Variants in ITFG1 observed in about 807,000 individuals in gnomAD.
The protein encoded by ITFG1 is T-cell immunomodulatory protein.
ITFG1 carries 34 observed loss-of-function variants against 81.8 expected under a neutral mutation model. That is an observed-to-expected ratio of 0.42 (90% CI 0.32 to 0.55). ITFG1 has a LOEUF of 0.55. Among genes scored for constraint, ITFG1 ranks in the 20% least tolerant of loss-of-function variants. The pLI, the probability that ITFG1 is intolerant of heterozygous loss-of-function variation, is 0.17. For missense variants in ITFG1, 672 were observed against 755.4 expected (o/e 0.89, Z 1.29); for synonymous variants, 285 against 270.6 (o/e 1.05, Z -0.52).
intron 6 of ITFG1, among the ~76,000 whole-genome samples, chr16:47,423,321 T>C (rs1055676629): frequency 2.0e-5 from 3 of 151,680 alleles, no homozygotes; most frequent in Admixed American, 2.0e-4. Flanking sequence ...TTTGAGCCTA[T>C]GTGCATCTTT....
chr16:47,419,846 G>T (rs529861520), intron 6 of ITFG1, among the ~76,000 whole-genome samples: 11 of 151,698 alleles, frequency 7.3e-5, no homozygotes, highest in Admixed American at 5.3e-4. Context: ...CAAGTGATCC[G>T]CCCACCCCGG....
chr16:47,405,476 CTTCT>C (rs1968717020), intron 6 of ITFG1, among the ~76,000 whole-genome samples: 1 of 152,096 alleles, frequency 6.6e-6, no homozygotes, highest in Non-Finnish European at 1.5e-5. Context: ...AACTTCTTTC[CTTCT>C]TTGTTTAAGA....
At chr16:47,413,926 T>A (rs1394347320) in intron 6 of ITFG1, among the ~76,000 whole-genome samples, 2 of 152,012 alleles carry the variant, frequency 1.3e-5, no homozygotes, top group African/African-American at 2.4e-5. Context: ...GTTCAAGTGA[T>A]TCTCCTGCCT....
At chr16:47,212,193 A>G (rs895111568) in intron 14 of ITFG1, among the ~76,000 whole-genome samples, 1 of 151,598 alleles carries the variant, frequency 6.6e-6, no homozygotes, top group Non-Finnish European at 1.5e-5. Context: ...TCTAAAGGAG[A>G]TTGTACAGAA....
intron 17 of ITFG1, 100 bp downstream of exon 17, chr16:47,158,773 T>G: frequency 1.8e-6 from 1 of 544,880 alleles, no homozygotes; most frequent in Non-Finnish European, 3.2e-6. Flanking sequence ...ATTCTAGTCA[T>G]ATGAAAAAAG....
intron 8 of ITFG1, among the ~76,000 whole-genome samples, chr16:47,341,660 A>G (rs554861058): frequency 2.0e-5 from 3 of 152,138 alleles, no homozygotes; most frequent in Non-Finnish European, 2.9e-5. Context: ...ACCATTAGAA[A>G]AGATTTAAAA....
At chr16:47,161,525 G>T in intron 16 of ITFG1, 1 of 363,854 alleles carries the variant, frequency 2.7e-6, no homozygotes. Flanking sequence ...TCCCTAATTA[G>T]TTAACCTCCT....
Position 47,154,908 on chromosome 16 carries a change from T to A in ITFG1, c.*811A>T, listed in dbSNP as rs1964679929. On this transcript the variant is annotated 3_prime_UTR_variant, in exon 18 of 18. Coordinates refer to ENST00000320640, the MANE Select transcript of ITFG1 (RefSeq NM_030790.5). ...AAAATTTAGCTTTTCCAAAGAATAT[T>A]TCTTCATGCCTGAAAATAAAATTCT... is the stretch of plus-strand genomic sequence containing the variant. 1 of 152,242 alleles carries A rather than the reference T, an allele frequency of 6.6e-6. No individual in the cohort carries two copies. The highest frequency in any genetic ancestry group is 6.5e-5 in the Admixed American group (1 of 15,288). 9.4% of individuals were successfully genotyped at this position (152,242 alleles called of 1,614,324 possible). A position where few individuals can be genotyped will look rare whatever the true frequency, so the allele number is the denominator to read the frequency against.
intron 17 of ITFG1, among the ~76,000 whole-genome samples, chr16:47,158,533 C>T (rs980458245): frequency 6.6e-6 from 1 of 152,210 alleles, no homozygotes; most frequent in Non-Finnish European, 1.5e-5. Context: ...ATACTGAACA[C>T]ACGTTCATTT....
chr16:47,459,243 G>C, intron 1 of ITFG1, 68 bp from the exon 2 acceptor site: 1 of 1,052,184 alleles, frequency 9.5e-7, no homozygotes, highest in Non-Finnish European at 1.5e-6. Context: ...GTGGTTACAA[G>C]AAGGTTTCTG....
intron 14 of ITFG1, among the ~76,000 whole-genome samples, chr16:47,201,611 A>G (rs1965425819): frequency 6.6e-6 from 1 of 152,194 alleles, no homozygotes; most frequent in Non-Finnish European, 1.5e-5. Context: ...TTAAGACAAC[A>G]TTATTAAGGA....
chr16:47,354,278 G>A (rs1339641732), intron 8 of ITFG1, among the ~76,000 whole-genome samples: 2 of 151,912 alleles, frequency 1.3e-5, no homozygotes, highest in Admixed American at 6.6e-5. Context: ...CTTTGACAAA[G>A]GTACCAAGAA....
At chr16:47,160,347 T>C (rs1253967253) in intron 16 of ITFG1, among the ~76,000 whole-genome samples, 1 of 152,178 alleles carries the variant, frequency 6.6e-6, no homozygotes, top group African/African-American at 2.4e-5. Flanking sequence ...CTGCTTATTA[T>C]ACATACTCTT....
intron 14 of ITFG1, among the ~76,000 whole-genome samples, chr16:47,172,442 C>T (rs1471357471): frequency 3.9e-5 from 6 of 152,160 alleles, no homozygotes; most frequent in Non-Finnish European, 5.9e-5. Flanking sequence ...GAGCCATGAT[C>T]GTGCCACTGC....
At chr16:47,379,957 A>G (rs1596944550) in intron 6 of ITFG1, among the ~76,000 whole-genome samples, 1 of 151,424 alleles carries the variant, frequency 6.6e-6, no homozygotes, top group Non-Finnish European at 1.5e-5. Flanking sequence ...GCTAAGCTCA[A>G]TTGAGGCAGT....
intron 5 of ITFG1, among the ~76,000 whole-genome samples, chr16:47,437,308 A>G (rs1969179131): frequency 6.6e-6 from 1 of 152,022 alleles, no homozygotes; most frequent in Non-Finnish European, 1.5e-5. Flanking sequence ...TCCAACAACA[A>G]TTTTAAAAAG....
At chr16:47,338,016 A>C (rs1451040510) in intron 8 of ITFG1, among the ~76,000 whole-genome samples, 1 of 152,270 alleles carries the variant, frequency 6.6e-6, no homozygotes, top group Non-Finnish European at 1.5e-5. Flanking sequence ...ATCTCTGTCA[A>C]AACATTAGAT....
intron 8 of ITFG1, among the ~76,000 whole-genome samples, chr16:47,325,453 A>G (rs920181844): frequency 1.3e-5 from 2 of 152,224 alleles, no homozygotes; most frequent in Admixed American, 6.5e-5. Flanking sequence ...AGCTAGCAGA[A>G]GGCAAGAAAT....
intron 13 of ITFG1, among the ~76,000 whole-genome samples, chr16:47,223,598 C>T (rs1452705252): frequency 6.6e-6 from 1 of 152,082 alleles, no homozygotes; most frequent in Non-Finnish European, 1.5e-5. Context: ...GAAATAGGAA[C>T]ACTTTTACAC....
Sources: gnomAD v4.1 joint callset for allele counts (sites outside exome capture counted in the v4.1 genomes callset) on GRCh38, gnomAD v4.1.1 for gene constraint, MANE v1.5 for transcripts, NCBI Gene and HGNC (gene_info 2026-07-23, HGNC 2026-07-21) for gene names.